CTNNA1: variants seen among roughly 807,000 people sequenced by gnomAD.
CTNNA1 encodes the protein catenin alpha 1, also known as catenin alpha-1.
CTNNA1 carries 37 observed loss-of-function variants against 98.4 expected under a neutral mutation model. The ratio of observed to expected loss-of-function variants is 0.38; its 90% confidence interval spans 0.29 to 0.49. The LOEUF (loss-of-function observed/expected upper bound fraction) is 0.49, where lower values mean the gene tolerates loss of function less well. Among genes scored for constraint, CTNNA1 ranks in the 20% least tolerant of loss-of-function variants. The pLI is 0.95. For missense variants in CTNNA1, 761 were observed against 1,147.2 expected (o/e 0.66, Z 4.86); for synonymous variants, 404 against 413.2 (o/e 0.98, Z 0.27).
intron 3 of CTNNA1, among the ~76,000 whole-genome samples, chr5:138,785,322 A>G (rs1321842317): frequency 4.6e-5 from 7 of 151,898 alleles, no homozygotes; most frequent in African/African-American, 1.5e-4. Context: ...CGGCCTCCCA[A>G]AGTGCTGGGA....
intron 13 of CTNNA1, among the ~76,000 whole-genome samples, chr5:138,928,276 G>C (rs1448814120): frequency 6.6e-6 from 1 of 152,148 alleles, no homozygotes; most frequent in Non-Finnish European, 1.5e-5. Flanking sequence ...AATCATGAGA[G>C]GCTGGTAGTT....
chr5:138,800,848 T>G (rs1757503358), intron 3 of CTNNA1, among the ~76,000 whole-genome samples: 1 of 152,102 alleles, frequency 6.6e-6, no homozygotes, highest in Non-Finnish European at 1.5e-5. Context: ...GGCTCATGCC[T>G]GCAACCACAG....
intron 7 of CTNNA1, among the ~76,000 whole-genome samples, chr5:138,877,196 C>CG (rs1285648333): frequency 6.6e-6 from 1 of 152,164 alleles, no homozygotes; most frequent in Non-Finnish European, 1.5e-5. Flanking sequence ...GGTTTAGACC[C>CG]GGGGAATGCT....
chr5:138,784,975 A>G (rs1471164961), intron 3 of CTNNA1, among the ~76,000 whole-genome samples: 2 of 152,182 alleles, frequency 1.3e-5, no homozygotes, highest in East Asian at 3.8e-4. Flanking sequence ...CTGTTTCCAA[A>G]TAAAGTTGCA....
chr5:138,796,205 TAATA>T (rs1193105946), intron 3 of CTNNA1, among the ~76,000 whole-genome samples: 4 of 152,232 alleles, frequency 2.6e-5, no homozygotes, highest in Non-Finnish European at 4.4e-5. Flanking sequence ...AGTATAGTAT[TAATA>T]AATAGTTACA....
At chr5:138,823,667 A>G (rs898569474) in intron 5 of CTNNA1, among the ~76,000 whole-genome samples, 3 of 152,176 alleles carry the variant, frequency 2.0e-5, no homozygotes, top group Non-Finnish European at 2.9e-5. Flanking sequence ...CAATAAAATT[A>G]TGTAACTTGG....
chr5:138,920,275 C>A (rs994182109), intron 11 of CTNNA1, among the ~76,000 whole-genome samples: 11 of 152,166 alleles, frequency 7.2e-5, no homozygotes, highest in Non-Finnish European at 4.4e-5. Context: ...CCACCGTGCC[C>A]GGTCTAGGTG....
At chr5:138,866,966 A>G (rs189608291) in intron 7 of CTNNA1, among the ~76,000 whole-genome samples, 61 of 152,308 alleles carry the variant, frequency 4.0e-4, no homozygotes, top group African/African-American at 1.4e-3. Flanking sequence ...GGAAGAATCT[A>G]TTGTATATTT....
At chr5:138,862,382 T>C (rs1227898213) in intron 7 of CTNNA1, among the ~76,000 whole-genome samples, 1 of 152,220 alleles carries the variant, frequency 6.6e-6, no homozygotes, top group African/African-American at 2.4e-5. Context: ...GTAATAGTGA[T>C]CCTTAATTCT....
At chr5:138,835,783 C>T (rs922434617) in intron 7 of CTNNA1, among the ~76,000 whole-genome samples, 1 of 152,140 alleles carries the variant, frequency 6.6e-6, no homozygotes, top group Non-Finnish European at 1.5e-5. Flanking sequence ...AAAATCTACT[C>T]TCTTAGCAAG....
intron 11 of CTNNA1, among the ~76,000 whole-genome samples, chr5:138,918,372 T>A (rs1203905792): frequency 6.6e-6 from 1 of 152,216 alleles, no homozygotes. Context: ...GTTTCTTTTT[T>A]AAAATAATTT....
At chr5:138,766,769 T>G (rs1752982193) in intron 1 of CTNNA1, among the ~76,000 whole-genome samples, 1 of 152,094 alleles carries the variant, frequency 6.6e-6, no homozygotes, top group African/African-American at 2.4e-5. Flanking sequence ...GAACTCAGCT[T>G]TGCAGTTAAG....
At chr5:138,769,551 A>C (rs1753299779) in intron 1 of CTNNA1, among the ~76,000 whole-genome samples, 1 of 151,288 alleles carries the variant, frequency 6.6e-6, no homozygotes, top group African/African-American at 2.4e-5. Context: ...ATTTTTTTTG[A>C]GACGGAGTTT....
At chr5:138,897,286 C>A (rs1232761261) in intron 9 of CTNNA1, among the ~76,000 whole-genome samples, 1 of 96,620 alleles carries the variant, frequency 1.0e-5, no homozygotes, top group African/African-American at 4.7e-5. Flanking sequence ...ACCTATACCT[C>A]ACACCGCACC....
Position 138,810,125 on chromosome 5 carries a change from CT to C in CTNNA1, c.392del (p.Leu131CysfsTer9). The C allele has an allele frequency of 6.2e-7, 1 of 1,614,164 alleles. No homozygotes were observed. The highest frequency in any genetic ancestry group is 1.1e-5 in the South Asian group (1 of 91,088). On this transcript the variant is annotated frameshift_variant, in exon 4 of 18. Coordinates refer to ENST00000302763, the MANE Select transcript of CTNNA1 (RefSeq NM_001903.5). LOFTEE classifies it high-confidence loss of function. The stretch of plus-strand genomic sequence containing the variant: ...GGCAACATGGTTCGGGCAGCTCGAG[CT>C]TTGCTCTCTGCTGTTACCCGGTTGC... The part of the protein sequence containing the change: ...KRGNMVRAAR[A>X]LLSAVTRLLI...
At chr5:138,931,504 A>T (rs1765311068) in intron 16 of CTNNA1, 1 of 743,228 alleles carries the variant, frequency 1.3e-6, no homozygotes, top group African/African-American at 1.9e-5. Context: ...TCTAGGCCAC[A>T]GGATGTGTGA....
intron 5 of CTNNA1, among the ~76,000 whole-genome samples, chr5:138,821,675 T>A (rs1372536470): frequency 2.0e-5 from 3 of 152,216 alleles, no homozygotes; most frequent in African/African-American, 4.8e-5. Flanking sequence ...AGAAGTTAGT[T>A]TCTATTTTTT....
intron 10 of CTNNA1, among the ~76,000 whole-genome samples, chr5:138,911,783 G>T (rs1452261488): frequency 6.6e-6 from 1 of 152,246 alleles, no homozygotes; most frequent in Non-Finnish European, 1.5e-5. Context: ...GACTAAAACA[G>T]ATGGTATTGT....
chr5:138,781,456 T>C (rs1004421526), intron 1 of CTNNA1, among the ~76,000 whole-genome samples: 1 of 151,370 alleles, frequency 6.6e-6, no homozygotes, highest in African/African-American at 2.4e-5. Context: ...CTTGGGAGGC[T>C]GAGGCCAGAG....
Sources: gnomAD v4.1 joint callset for allele counts (sites outside exome capture counted in the v4.1 genomes callset) on GRCh38, gnomAD v4.1.1 for gene constraint, MANE v1.5 for transcripts, NCBI Gene and HGNC (gene_info 2026-07-23, HGNC 2026-07-21) for gene names.